Variants in BBS9 observed in about 807,000 individuals in gnomAD.
The protein encoded by BBS9 is protein PTHB1.
Under a neutral mutation model 117.7 loss-of-function variants are expected in BBS9, and 89 were observed. The observed-to-expected ratio is 0.76, with a 90% CI of 0.64 to 0.90. BBS9 has a LOEUF of 0.90. Ranked by LOEUF, BBS9 falls within the 40% of genes least tolerant of loss-of-function variation. BBS9 has a pLI of 0.00. For synonymous variants in BBS9, 379 were observed against 370.9 expected (o/e 1.02, Z -0.25); for missense variants, 982 against 1,042.2 (o/e 0.94, Z 0.80).
chr7:33,489,331 C>CTTTTTT (rs35199510), intron 19 of BBS9, among the ~76,000 whole-genome samples: 12 of 86,252 alleles, frequency 1.4e-4, no homozygotes, highest in Non-Finnish European at 2.0e-4. Context: ...CCACTTATGG[C>CTTTTTT]TTTTTTTTTT....
chr7:33,627,411 TGGAGGGAAAATGTG>T (rs1865693367), intron 21 of BBS9, among the ~76,000 whole-genome samples: 1 of 152,182 alleles, frequency 6.6e-6, no homozygotes, highest in Non-Finnish European at 1.5e-5. Context: ...TAGGGCAGTG[TGGAGGGAAAATGTG>T]GGCTTGGAGC....
intron 5 of BBS9, among the ~76,000 whole-genome samples, chr7:33,244,178 C>T (rs903578805): frequency 6.6e-6 from 1 of 152,084 alleles, no homozygotes; most frequent in Non-Finnish European, 1.5e-5. Flanking sequence ...TGCAGTGAGC[C>T]GAGATTGTGC....
intron 19 of BBS9, among the ~76,000 whole-genome samples, chr7:33,493,401 A>G (rs1219973443): frequency 6.6e-6 from 1 of 152,200 alleles, no homozygotes; most frequent in Non-Finnish European, 1.5e-5. Flanking sequence ...CAATTTAGTC[A>G]CACACAAATC....
intron 17 of BBS9, among the ~76,000 whole-genome samples, chr7:33,375,579 C>G (rs1197409430): frequency 8.1e-6 from 1 of 124,212 alleles, no homozygotes; most frequent in African/African-American, 3.0e-5. Context: ...TTGCAAATTT[C>G]TTTCTTTCTT....
intron 8 of BBS9, among the ~76,000 whole-genome samples, chr7:33,273,479 C>T (rs116774703): frequency 1.9e-3 from 290 of 152,232 alleles, no homozygotes; most frequent in African/African-American, 6.6e-3. Context: ...TTCAAGAGAA[C>T]ATCAGACTCT....
At chr7:33,181,744 A>G (rs550144227) in intron 5 of BBS9, among the ~76,000 whole-genome samples, 27 of 152,268 alleles carry the variant, frequency 1.8e-4, no homozygotes, top group African/African-American at 5.1e-4. Flanking sequence ...TTTTTCACCA[A>G]CCTTCCACAA....
Position 33,348,449 on chromosome 7 carries a change from A to G in BBS9, c.1330-619A>G, listed in dbSNP as rs569477582. On this transcript the variant is annotated intron_variant, in intron 12 of 22. Transcript: ENST00000242067. ...CTGAACAATATTTCATTGTATGAAT[A>G]TGTCACATTTTGTTTATTCATTCAT... is the stretch of plus-strand genomic sequence containing the variant. Among the ~76,000 whole-genome samples, 4 of 152,264 alleles carry G rather than the reference A, an allele frequency of 2.6e-5. No homozygotes were observed. The East Asian group carries it at 7.7e-4, about 29-fold the overall frequency.
intron 5 of BBS9, among the ~76,000 whole-genome samples, chr7:33,223,055 T>G (rs1790562792): frequency 1.3e-5 from 2 of 151,922 alleles, no homozygotes; most frequent in African/African-American, 4.8e-5. Flanking sequence ...CCCCCTGATC[T>G]GATCTTACTT....
chr7:33,219,719 TCAAAA>T (rs1274811925), intron 5 of BBS9, among the ~76,000 whole-genome samples: 2 of 152,082 alleles, frequency 1.3e-5, no homozygotes, highest in Non-Finnish European at 2.9e-5. Flanking sequence ...CAGCGCCCTG[TCAAAA>T]CAGACCACTT....
intron 5 of BBS9, among the ~76,000 whole-genome samples, chr7:33,251,188 A>G (rs937376350): frequency 6.6e-6 from 1 of 152,208 alleles, no homozygotes; most frequent in African/African-American, 2.4e-5. Flanking sequence ...TGGCTCAAAC[A>G]GTGTCTACCA....
chr7:33,616,845 TC>T (rs1421952544), intron 21 of BBS9, among the ~76,000 whole-genome samples: 1 of 151,938 alleles, frequency 6.6e-6, no homozygotes, highest in Non-Finnish European at 1.5e-5. Context: ...TAATTTCTCA[TC>T]CCTCACCCCT....
intron 19 of BBS9, among the ~76,000 whole-genome samples, chr7:33,422,343 A>G (rs1004464268): frequency 6.6e-6 from 1 of 152,200 alleles, no homozygotes; most frequent in Non-Finnish European, 1.5e-5. Context: ...ACCACAAAGA[A>G]TAAATATTTA....
chr7:33,489,120 G>T (rs1031819701), intron 19 of BBS9, among the ~76,000 whole-genome samples: 1 of 151,074 alleles, frequency 6.6e-6, no homozygotes, highest in East Asian at 2.0e-4. Context: ...AGCCTCCCGA[G>T]TAGCTGGGAT....
chr7:33,250,828 G>A (rs141154759), intron 5 of BBS9, among the ~76,000 whole-genome samples: 410 of 152,224 alleles, frequency 2.7e-3, no homozygotes, highest in Non-Finnish European at 3.9e-3. Flanking sequence ...TATGTGCCAG[G>A]CATTTTATAG....
chr7:33,380,361 C>T (rs907214791), intron 17 of BBS9: 1 of 157,608 alleles, frequency 6.3e-6, no homozygotes, highest in Admixed American at 6.5e-5. Flanking sequence ...GGCCTTGTGC[C>T]CCACTGTGAG....
At chr7:33,540,925 C>A (rs550638837) in intron 21 of BBS9, among the ~76,000 whole-genome samples, 2 of 152,172 alleles carry the variant, frequency 1.3e-5, no homozygotes, top group African/African-American at 4.8e-5. Flanking sequence ...TCCATAATTT[C>A]GCACTTTGCT....
intron 19 of BBS9, among the ~76,000 whole-genome samples, chr7:33,408,393 GTGAGGCAA>G (rs1185691127): frequency 9.2e-5 from 14 of 152,094 alleles, no homozygotes; most frequent in Non-Finnish European, 4.4e-5. Context: ...CACTTCCCGA[GTGAGGCAA>G]TGCCTCACCC....
At chr7:33,467,128 C>T (rs186227001) in intron 19 of BBS9, among the ~76,000 whole-genome samples, 156 of 152,056 alleles carry the variant, frequency 1.0e-3, no homozygotes, top group African/African-American at 3.6e-3. Context: ...TCAGTGGGGG[C>T]GGAGGCTGTG....
rs1288150700 is a variant in BBS9, at chr7:33,488,992, T to A, written c.2116-16471T>A. The stretch of plus-strand genomic sequence containing the variant: ...GATAACATTCAGGACAGACTTCTTT[T>A]TTTTTTTTTTTTTTTTTTGAGATGA... On this transcript the variant is annotated intron_variant, in intron 19 of 22. Transcript: ENST00000242067. 5.8e-5 allele frequency among the ~76,000 whole-genome samples: 8 copies of A among 138,184 alleles called. No homozygotes were observed. In the East Asian group the frequency reaches 1.6e-3, roughly 28 times the overall value. The allele number at this position is 138,184 out of a possible 152,430, so 90.7% of individuals were successfully genotyped here.
Sources: allele counts gnomAD v4.1 joint callset (sites outside exome capture counted in the v4.1 genomes callset), GRCh38; gene constraint gnomAD v4.1.1; transcripts MANE v1.5; gene names NCBI Gene and HGNC (gene_info 2026-07-23, HGNC 2026-07-21).